Variants in GYG2 observed in about 807,000 individuals in gnomAD.
GYG2 encodes the protein glycogenin-2.
A neutral mutation model predicts 29.4 loss-of-function variants in GYG2; 29 were observed. That is an observed-to-expected ratio of 0.99 (90% confidence interval 0.74 to 1.35). The LOEUF (loss-of-function observed/expected upper bound fraction) is 1.35, where lower values mean the gene tolerates loss of function less well. Ranked by LOEUF, GYG2 falls within the 40% of genes most tolerant of loss-of-function variation. The pLI, the probability that GYG2 is intolerant of heterozygous loss-of-function variation, is 0.00. For synonymous variants in GYG2, 167 were observed against 172.3 expected (o/e 0.97, Z 0.24); for missense variants, 370 against 385.7 (o/e 0.96, Z 0.34).
At chrX:2,877,914 A>G (rs887150143) in intron 10 of GYG2, 3 of 747,105 alleles carry the variant, frequency 4.0e-6, no homozygotes, top group Non-Finnish European at 4.7e-6. Context: ...TCTAGACTGA[A>G]AGTTGGTATT....
intron 2 of GYG2, among the ~76,000 whole-genome samples, chrX:2,835,387 C>G (rs1046227093): frequency 1.8e-5 from 2 of 111,808 alleles, no homozygotes; most frequent in African/African-American, 3.3e-5. Context: ...ATGGCCTGAA[C>G]TCGTTTTTCA....
Position 2,861,807 on chromosome X carries a change from C to T in GYG2, c.1038+85C>T, listed in dbSNP as rs1240470634. Reference sequence around the variant, plus strand: ...AGAGAGAGCCGGCTTCCCTGGCTCCCTGGGGAGGGGAGATGGAGGGGAAGG... The same window carrying T: ...AGAGAGAGCCGGCTTCCCTGGCTCCTTGGGGAGGGGAGATGGAGGGGAAGG... On this transcript the variant is annotated intron_variant, in intron 8 of 10. Coordinates refer to ENST00000398806, the MANE Select transcript of GYG2 (RefSeq NM_001079855.2). 6 of 732,599 alleles carry T rather than the reference C, an allele frequency of 8.2e-6. No individual in the cohort carries two copies. The Admixed American group carries it at 1.3e-4, about 16-fold the overall frequency. The allele number at this position is 732,599 out of a possible 1,213,427, so 60.4% of individuals were successfully genotyped here.
At chrX:2,846,014 TAC>T (rs1197552720) in intron 3 of GYG2, among the ~76,000 whole-genome samples, 20 of 84,145 alleles carry the variant, frequency 2.4e-4, no homozygotes, top group Non-Finnish European at 4.1e-4. Context: ...TACATATATA[TAC>T]ACACACACAT....
chrX:2,861,802 G>A, intron 8 of GYG2, 80 bp downstream of exon 8: 1 of 760,179 alleles, frequency 1.3e-6, no homozygotes, highest in Middle Eastern at 3.0e-4. Flanking sequence ...GGCTTCCCTG[G>A]CTCCCTGGGG....
chrX:2,841,317 A>G (rs2087494130), intron 2 of GYG2, among the ~76,000 whole-genome samples: 1 of 108,622 alleles, frequency 9.2e-6, no homozygotes, highest in Non-Finnish European at 1.9e-5. Flanking sequence ...GAATGGATGG[A>G]TAGATAGATG....
intron 8 of GYG2, 124 bp downstream of exon 8, chrX:2,861,846 T>C (rs2088177682): frequency 1.9e-6 from 1 of 524,717 alleles, no homozygotes; most frequent in Non-Finnish European, 3.2e-6. Context: ...GGTCTTTGGC[T>C]TGCTGTGGCA....
At chrX:2,849,916 A>G (rs145268586) in intron 3 of GYG2, among the ~76,000 whole-genome samples, 1,540 of 110,852 alleles carry the variant, frequency 0.014, 18 homozygotes, top group Non-Finnish European at 0.022. Flanking sequence ...GGAGTTCAAG[A>G]CCAGCCTGGA....
At chrX:2,841,365 G>A (rs1489074131) in intron 2 of GYG2, among the ~76,000 whole-genome samples, 1 of 27,971 alleles carries the variant, frequency 3.6e-5, no homozygotes, top group Non-Finnish European at 1.1e-4. Context: ...ATTATCCAAT[G>A]ATAGATAGAT....
At chrX:2,853,854 G>A in intron 3 of GYG2, 126 bp from the exon 4 acceptor site, 2 of 496,466 alleles carry the variant, frequency 4.0e-6, no homozygotes, top group Non-Finnish European at 7.1e-6. Context: ...ACCGCAGTGA[G>A]GGCTGTGGGG....
At position 2,875,840 on chromosome X, in the gene GYG2, G is replaced by C; in HGVS notation, c.1069G>C (p.Ala357Pro). The change falls in exon 9 of 11, where the codon GCC becomes CCC. Residue 357 changes from alanine (A) to proline (P), a missense_variant. By Grantham distance (27) the Ala-to-Pro change is conservative (BLOSUM62 -1). Coordinates refer to ENST00000398806, the MANE Select transcript of GYG2 (RefSeq NM_001079855.2). ...MIACPETETP[A>P]VITCDPLSQP... Reference sequence around the variant, plus strand: ...AGCTTGTCCTGAAACTGAGACTCCTGCCGTGATAACGTGTGACCCACTGTC... The same window carrying C: ...AGCTTGTCCTGAAACTGAGACTCCTCCCGTGATAACGTGTGACCCACTGTC... 6 of 1,196,435 alleles carry C rather than the reference G, an allele frequency of 5.0e-6. No homozygotes were observed. The highest frequency in any genetic ancestry group is 6.8e-6 in the Non-Finnish European group (6 of 882,434).
chrX:2,850,925 C>T (rs1256435853), intron 3 of GYG2, among the ~76,000 whole-genome samples: 2 of 111,135 alleles, frequency 1.8e-5, no homozygotes, highest in Admixed American at 9.6e-5. Context: ...TCTCTTCACA[C>T]GGACGGGAGT....
intron 3 of GYG2, among the ~76,000 whole-genome samples, chrX:2,849,237 C>G (rs1402551916): frequency 3.6e-5 from 4 of 111,016 alleles, no homozygotes; most frequent in African/African-American, 6.6e-5. Flanking sequence ...CGGATCTTTA[C>G]GCAACTGTGG....
intron 2 of GYG2, among the ~76,000 whole-genome samples, chrX:2,836,393 G>C (rs753185263): frequency 9.0e-6 from 1 of 111,085 alleles, no homozygotes; most frequent in Non-Finnish European, 1.9e-5. Context: ...AGTCTGGTGC[G>C]GTGGCTGGCT....
At chrX:2,862,364 T>C (rs1177073730) in intron 8 of GYG2, among the ~76,000 whole-genome samples, 1 of 111,666 alleles carries the variant, frequency 9.0e-6, no homozygotes, top group Non-Finnish European at 1.9e-5. Flanking sequence ...TTTGTGGCTG[T>C]TTCTTACATA....
chrX:2,858,469 G>GA (rs1176146738), intron 6 of GYG2, among the ~76,000 whole-genome samples: 9 of 105,288 alleles, frequency 8.5e-5, no homozygotes, highest in African/African-American at 1.4e-4. Flanking sequence ...CAGCTCAGGA[G>GA]AAAAAAAAAA....
intron 10 of GYG2, chrX:2,877,709 C>G (rs979359533): frequency 2.7e-6 from 2 of 751,094 alleles, no homozygotes; most frequent in African/African-American, 2.3e-5. Flanking sequence ...ATAATTTCTT[C>G]TTTCAGGATG....
Position 2,861,634 on chromosome X carries a change from G to A in GYG2, c.950G>A (p.Gly317Asp), listed in dbSNP as rs907298242. Residue 317 changes from glycine to aspartate, a missense_variant, in exon 8 of 11, where the codon GGT becomes GAT. Transcript: ENST00000398806. ...AGVPCANSPL[G>D]SNQPAQGLPE... ...GTGCCGTGTGCAAATTCACCACTGG[G>A]TTCTAACCAGCCTGCTCAGGGCCTT... The A allele has an allele frequency of 2.5e-6, 3 of 1,207,283 alleles. No homozygotes were observed. Among genetic ancestry groups the A allele is most frequent in the African/African-American group, 1.7e-5 (1 of 57,741 alleles).
chrX:2,834,575 G>GA (rs113754416), intron 2 of GYG2, among the ~76,000 whole-genome samples: 20,161 of 111,124 alleles, frequency 0.18, 1,376 homozygotes, highest in East Asian at 0.25. Flanking sequence ...TCTGAGGACA[G>GA]AGCTTGTACC....
intron 8 of GYG2, among the ~76,000 whole-genome samples, chrX:2,874,222 A>G (rs1280462484): frequency 8.8e-6 from 1 of 113,044 alleles, no homozygotes; most frequent in Non-Finnish European, 1.9e-5. Flanking sequence ...AATCTCACTA[A>G]TAATGACTTT....
Sources: gnomAD v4.1 joint callset for allele counts (sites outside exome capture counted in the v4.1 genomes callset) on GRCh38, gnomAD v4.1.1 for gene constraint, MANE v1.5 for transcripts, NCBI Gene and HGNC (gene_info 2026-07-23, HGNC 2026-07-21) for gene names.